Variants in RAB22A observed in about 807,000 individuals in gnomAD.
RAB22A encodes ras-related protein Rab-22A.
RAB22A carries 13 observed loss-of-function variants against 30.2 expected under a neutral mutation model. The ratio of observed to expected loss-of-function variants is 0.43; its 90% CI spans 0.28 to 0.68. The LOEUF (loss-of-function observed/expected upper bound fraction) is 0.68, where lower values mean the gene tolerates loss of function less well. Among genes scored for constraint, RAB22A ranks in the 30% least tolerant of loss-of-function variants. The probability of loss-of-function intolerance (pLI) is 0.18; values close to 1 mark genes in which losing one functional copy is unlikely to be tolerated. For missense variants in RAB22A, 177 were observed against 246.8 expected (o/e 0.72, Z 1.89); for synonymous variants, 89 against 87.2 (o/e 1.02, Z -0.11).
intron 6 of RAB22A, among the ~76,000 whole-genome samples, chr20:58,359,344 A>G (rs1987184942): frequency 6.6e-6 from 1 of 152,140 alleles, no homozygotes; most frequent in South Asian, 2.1e-4. Context: ...GTTAATAGTG[A>G]TGTGGCAATG....
rs1987282441 is a variant in RAB22A at position 58,364,576 on chromosome 20, T to A, written c.*4873T>A. The A allele has an allele frequency of 6.6e-6, 1 of 152,198 alleles. No homozygotes were observed. The highest frequency in any genetic ancestry group is 2.4e-5 in the African/African-American group (1 of 41,452). The allele number at this position is 152,198 out of a possible 1,614,324, so 9.4% of individuals were successfully genotyped here. On this transcript the variant is annotated 3_prime_UTR_variant, in exon 7 of 7. Transcript: ENST00000244040. Reference sequence around the variant, plus strand: ...GTCTAACAGATTTAACAAAAAGTGTTTAATTTACTGCAAGTTCATTTTTAG... The same window carrying A: ...GTCTAACAGATTTAACAAAAAGTGTATAATTTACTGCAAGTTCATTTTTAG...
chr20:58,330,800 A>C (rs151235840), intron 2 of RAB22A, among the ~76,000 whole-genome samples: 128 of 152,242 alleles, frequency 8.4e-4, no homozygotes, highest in Non-Finnish European at 8.5e-4. Flanking sequence ...TTTCTCCCCT[A>C]CAGTTGGAAA....
Position 58,311,112 on chromosome 20 carries a change from C to T in RAB22A, c.106C>T (p.Pro36Ser). 6.3e-7 allele frequency: 1 copy of T among 1,589,188 alleles called. No homozygotes were observed. The highest frequency in any genetic ancestry group is 1.7e-4 in the Middle Eastern group (1 of 6,030). Residue 36 changes from proline to serine, a missense_variant, in exon 2 of 7, where the codon CCA becomes TCA. By Grantham distance (74) the Pro-to-Ser change is moderately conservative (BLOSUM62 -1). Coordinates refer to ENST00000244040, the MANE Select transcript of RAB22A (RefSeq NM_020673.3). ...AGACAGTTTTGATCCAAACATCAAC[C>T]CAACAATAGGGTAAGAGACTTTTAT... The part of the protein sequence containing the change: ...VEDSFDPNIN[P>S]TIGASFMTKT...
intron 3 of RAB22A, among the ~76,000 whole-genome samples, chr20:58,350,312 CA>C (rs1415788520): frequency 6.6e-6 from 1 of 152,106 alleles, no homozygotes; most frequent in Non-Finnish European, 1.5e-5. Flanking sequence ...GGGACAAATT[CA>C]AACAGTCTAA....
chr20:58,309,806 C>A lies in RAB22A; in HGVS notation c.-171C>A. 1 of 526,984 alleles carries A rather than the reference C, an allele frequency of 1.9e-6. No homozygotes were observed. The highest frequency in any genetic ancestry group is 2.9e-6 in the Non-Finnish European group (1 of 350,388). The allele number at this position is 526,984 out of a possible 1,614,324, so 32.6% of individuals were successfully genotyped here. ...GGCTGCTAAGGCGGGCCCCACGCGG[C>A]TGGCAGCGGACAGGCCGGACCTACG... is the stretch of plus-strand genomic sequence containing the variant. On this transcript the variant is annotated 5_prime_UTR_variant, in exon 1 of 7. In the 5' UTR this introduces an upstream ATG that the reference lacks. Transcript: ENST00000244040.
chr20:58,353,668 G>T, intron 5 of RAB22A, 130 bp downstream of exon 5: 1 of 816,148 alleles, frequency 1.2e-6, no homozygotes. Context: ...TGTGTGGTTG[G>T]AGTCCTAAAT....
Position 58,346,507 on chromosome 20 carries a change from T to C in RAB22A, c.198+2708T>C, listed in dbSNP as rs74389735. Among the ~76,000 whole-genome samples the C allele has an allele frequency of 2.7e-4, 41 of 152,358 alleles. 2 individuals carry two copies. In the East Asian group the frequency reaches 7.7e-3, roughly 29 times the overall value. On this transcript the variant is annotated intron_variant, in intron 3 of 6. Coordinates refer to ENST00000244040, the MANE Select transcript of RAB22A (RefSeq NM_020673.3). ...CTCCACTGGAGCCCAGCTGGCTCCT[T>C]TCCCGTCTTTTAGTGTCAGGTTAAA...
chr20:58,310,054 G>A (rs1986189757), intron 1 of RAB22A, 42 bp downstream of exon 1: 1 of 1,257,716 alleles, frequency 8.0e-7, no homozygotes, highest in East Asian at 3.1e-5. Flanking sequence ...ACGGGAGGCT[G>A]GGCTGGCGGG....
At chr20:58,356,631 G>A (rs1987133704) in intron 6 of RAB22A, among the ~76,000 whole-genome samples, 1 of 152,166 alleles carries the variant, frequency 6.6e-6, no homozygotes, top group Non-Finnish European at 1.5e-5. Context: ...GGACATGGCC[G>A]TTCCTACACC....
intron 2 of RAB22A, among the ~76,000 whole-genome samples, chr20:58,318,428 T>G (rs542494176): frequency 1.4e-4 from 21 of 152,354 alleles, no homozygotes; most frequent in Non-Finnish European, 2.8e-4. Flanking sequence ...TAAAACTTTT[T>G]GAGCAACAGT....
At chr20:58,314,627 G>A (rs192869803) in intron 2 of RAB22A, among the ~76,000 whole-genome samples, 1 of 152,084 alleles carries the variant, frequency 6.6e-6, no homozygotes, top group Admixed American at 6.5e-5. Flanking sequence ...GATCACCTGA[G>A]GTCAGGAGTT....
At chr20:58,310,496 TC>T (rs929513018) in intron 1 of RAB22A, among the ~76,000 whole-genome samples, 1 of 152,166 alleles carries the variant, frequency 6.6e-6, no homozygotes, top group African/African-American at 2.4e-5. Flanking sequence ...AAGTAACTCT[TC>T]CTGTGGAGAA....
chr20:58,354,104 C>A, intron 5 of RAB22A, 52 bp from the exon 6 acceptor site: 1 of 1,356,750 alleles, frequency 7.4e-7, no homozygotes, highest in Non-Finnish European at 1.0e-6. Context: ...GGTGGGGGTA[C>A]AACTAAGATC....
At chr20:58,357,971 A>G (rs750432618) in intron 6 of RAB22A, among the ~76,000 whole-genome samples, 3 of 152,242 alleles carry the variant, frequency 2.0e-5, no homozygotes, top group Non-Finnish European at 4.4e-5. Flanking sequence ...GATACTGGAA[A>G]CATAAAGATG....
In RAB22A at chr20:58,344,698, A is replaced by G. The variant is rs149437114; in HGVS notation, c.198+899A>G. ...AAGTAATCAGGAAAAATAGTCTGTC[A>G]TCACAGCCTTATCTAAGACACCATA... On this transcript the variant is annotated intron_variant, in intron 3 of 6. Transcript: ENST00000244040. Among the ~76,000 whole-genome samples, 518 of 152,364 alleles carry G rather than the reference A, an allele frequency of 3.4e-3. 4 individuals are homozygous for G. Among genetic ancestry groups the G allele is most frequent in the African/African-American group, 0.012 (510 of 41,578 alleles).
At chr20:58,334,249 C>T (rs1331601179) in intron 2 of RAB22A, among the ~76,000 whole-genome samples, 5 of 151,674 alleles carry the variant, frequency 3.3e-5, no homozygotes, top group African/African-American at 4.8e-5. Context: ...GCATGAGAAT[C>T]GCTCGAACCT....
At chr20:58,344,108 C>T (rs1986903963) in intron 3 of RAB22A, among the ~76,000 whole-genome samples, 1 of 152,180 alleles carries the variant, frequency 6.6e-6, no homozygotes, top group South Asian at 2.1e-4. Flanking sequence ...GCTCTCTCCT[C>T]TAGTAAAGAT....
intron 2 of RAB22A, among the ~76,000 whole-genome samples, chr20:58,331,715 C>G (rs1986663384): frequency 6.6e-6 from 1 of 151,994 alleles, no homozygotes; most frequent in Non-Finnish European, 1.5e-5. Context: ...CTTTCTACCT[C>G]TTGGGGCTTC....
intron 2 of RAB22A, among the ~76,000 whole-genome samples, chr20:58,334,379 G>A (rs959781752): frequency 7.9e-5 from 12 of 151,692 alleles, no homozygotes; most frequent in Non-Finnish European, 1.3e-4. Context: ...GAATACTGCC[G>A]TCCATATTTG....
Sources: gnomAD v4.1 joint callset for allele counts (sites outside exome capture counted in the v4.1 genomes callset) on GRCh38, gnomAD v4.1.1 for gene constraint, MANE v1.5 for transcripts, NCBI Gene and HGNC (gene_info 2026-07-23, HGNC 2026-07-21) for gene names.